The following CTH variants were observed in gnomAD, a reference collection of about 807,000 sequenced individuals.
CTH encodes the protein cystathionase (cystathionine gamma-lyase).
In CTH, 41 loss-of-function variants were observed where a neutral mutation model predicts 50.6. That is an observed-to-expected ratio of 0.81 (90% confidence interval 0.63 to 1.05). The LOEUF is 1.05. Ranked by LOEUF, CTH falls within the 50% of genes least tolerant of loss-of-function variation. The pLI is 0.00. For missense variants in CTH, 470 were observed against 492.6 expected (o/e 0.95, Z 0.43); for synonymous variants, 156 against 168.9 (o/e 0.92, Z 0.59).
chr1:70,435,199 TC>T, intron 10 of CTH, 22 bp downstream of exon 10: 1 of 1,606,980 alleles, frequency 6.2e-7, no homozygotes, highest in Non-Finnish European at 8.5e-7. Flanking sequence ...TCTGTTTTTC[TC>T]AGTATTTTAA....
chr1:70,434,008 T>A, intron 9 of CTH, 59 bp downstream of exon 9: 1 of 1,606,932 alleles, frequency 6.2e-7, no homozygotes, highest in Non-Finnish European at 8.5e-7. Context: ...CAGTTCACTA[T>A]CTCTCACTTC....
rs1684291535 is a variant in CTH, at chr1:70,424,183, T to C, written c.457-102T>C. On this transcript the variant is annotated intron_variant, in intron 4 of 11. Transcript: ENST00000370938. ...ACCTCCCAACATCATCATCCATGTG[T>C]TTCCATTATACAATGTAGCTTCCCA... The C allele has an allele frequency of 3.1e-6, 5 of 1,594,334 alleles. No individual in the cohort carries two copies. The South Asian group carries it at 3.4e-5, about 11-fold the overall frequency.
At chr1:70,431,371 C>T (rs1402060231) in intron 7 of CTH, among the ~76,000 whole-genome samples, 3 of 151,822 alleles carry the variant, frequency 2.0e-5, no homozygotes, top group African/African-American at 4.8e-5. Context: ...CTTTCATATA[C>T]TATACCTTTT....
intron 1 of CTH, among the ~76,000 whole-genome samples, chr1:70,415,618 G>T (rs1021157788): frequency 1.3e-5 from 2 of 152,116 alleles, no homozygotes; most frequent in African/African-American, 4.8e-5. Context: ...GTGAATTTGT[G>T]CATTATCTCA....
At chr1:70,423,736 C>T (rs988621022) in intron 4 of CTH, among the ~76,000 whole-genome samples, 1 of 152,276 alleles carries the variant, frequency 6.6e-6, no homozygotes, top group South Asian at 2.1e-4. Context: ...GCGGTAACCA[C>T]GTTTTCTGTT....
At chr1:70,414,242 G>A (rs1298350578) in intron 1 of CTH, among the ~76,000 whole-genome samples, 1 of 151,562 alleles carries the variant, frequency 6.6e-6, no homozygotes, top group African/African-American at 2.4e-5. Flanking sequence ...GGTTGGGCGC[G>A]GTGGCTCACG....
chr1:70,411,318 C>A lies in CTH; in HGVS notation c.-98C>A. 7.8e-7 allele frequency: 1 copy of A among 1,280,264 alleles called. No individual in the cohort carries two copies. Among genetic ancestry groups the A allele is most frequent in the South Asian group, 1.2e-5 (1 of 83,960 alleles). The allele number at this position is 1,280,264 out of a possible 1,614,324, so 79.3% of individuals were successfully genotyped here. On this transcript the variant is annotated 5_prime_UTR_variant, in exon 1 of 12. Coordinates refer to ENST00000370938, the MANE Select transcript of CTH (RefSeq NM_001902.6). The stretch of plus-strand genomic sequence containing the variant: ...CTCTACCTGCGTGCTTTAGCTCCTT[C>A]TCGCCTGATCCTTCTGTCTCTCCCA...
At chr1:70,434,337 A>T (rs1684547693) in intron 9 of CTH, among the ~76,000 whole-genome samples, 1 of 152,128 alleles carries the variant, frequency 6.6e-6, no homozygotes, top group African/African-American at 2.4e-5. Context: ...GCTGCATCTG[A>T]CTGGGGTGAG....
chr1:70,438,868 G>GTGTC (rs1684657760), intron 11 of CTH, 42 bp downstream of exon 11: 1 of 1,610,008 alleles, frequency 6.2e-7, no homozygotes, highest in Admixed American at 1.7e-5. Context: ...GTGTGTGTGT[G>GTGTC]TCTGCTTTAT....
intron 10 of CTH, among the ~76,000 whole-genome samples, chr1:70,438,257 T>A (rs1052200626): frequency 3.9e-5 from 6 of 152,172 alleles, no homozygotes; most frequent in Admixed American, 2.0e-4. Flanking sequence ...TCTGGATTGA[T>A]TCAGAGGAAA....
intron 5 of CTH, among the ~76,000 whole-genome samples, chr1:70,428,488 C>G (rs1482950903): frequency 6.6e-6 from 1 of 152,106 alleles, no homozygotes; most frequent in Non-Finnish European, 1.5e-5. Context: ...TTGAGCATCA[C>G]ATTATACTCC....
At chr1:70,415,563 A>G (rs1283442320) in intron 1 of CTH, among the ~76,000 whole-genome samples, 1 of 152,280 alleles carries the variant, frequency 6.6e-6, no homozygotes, top group East Asian at 1.9e-4. Context: ...CTAATAATAA[A>G]AACTGTCATT....
chr1:70,439,166 A>G lies in CTH; in HGVS notation c.*39A>G. On this transcript the variant is annotated 3_prime_UTR_variant, in exon 12 of 12. Coordinates refer to ENST00000370938, the MANE Select transcript of CTH (RefSeq NM_001902.6). Reference sequence around the variant, plus strand: ...CTATTAGAAGCTGCTTCCTGTGAAGATCAAATCTTCCTGAGTAATTAAATG... The same window carrying G: ...CTATTAGAAGCTGCTTCCTGTGAAGGTCAAATCTTCCTGAGTAATTAAATG... The G allele has an allele frequency of 6.3e-7, 1 of 1,591,910 alleles. No individual in the cohort carries two copies. The highest frequency in any genetic ancestry group is 8.6e-7 in the Non-Finnish European group (1 of 1,159,650).
In CTH at chr1:70,433,899, T is replaced by C; in HGVS notation, c.949T>C (p.Tyr317His). 6.2e-7 allele frequency: 1 copy of C among 1,614,140 alleles called. No individual in the cohort carries two copies. Among genetic ancestry groups the C allele is most frequent in the Non-Finnish European group, 8.5e-7 (1 of 1,179,994 alleles). Residue 317 changes from tyrosine to histidine, a missense_variant, in exon 9 of 12, where the codon TAT becomes CAT. Transcript: ENST00000370938. ...CTGCTGMVTF[Y>H]IKGTLQHAEI... Reference sequence around the variant, plus strand: ...AGGTTGTACAGGGATGGTCACCTTTTATATTAAGGGCACTCTTCAGCATGC... The same window carrying C: ...AGGTTGTACAGGGATGGTCACCTTTCATATTAAGGGCACTCTTCAGCATGC...
At chr1:70,412,269 T>G (rs1683983354) in intron 1 of CTH, among the ~76,000 whole-genome samples, 1 of 152,222 alleles carries the variant, frequency 6.6e-6, no homozygotes. Flanking sequence ...TAGTAACAAT[T>G]TAGCCTATTG....
chr1:70,434,287 T>C (rs1466144686), intron 9 of CTH, among the ~76,000 whole-genome samples: 3 of 152,174 alleles, frequency 2.0e-5, no homozygotes, highest in Non-Finnish European at 2.9e-5. Context: ...TGTTCTAAAA[T>C]CCATCCTGTG....
In CTH at chr1:70,411,529, G is replaced by A. The variant is rs756292486; in HGVS notation, c.114G>A (p.Val38=). 2 of 1,614,030 alleles carry A rather than the reference G, an allele frequency of 1.2e-6. No individual in the cohort carries two copies. The highest frequency in any genetic ancestry group is 4.5e-5 in the East Asian group (2 of 44,892). Residue 38 remains valine (V), a synonymous_variant, in exon 1 of 12, where the codon GTG becomes GTA. Coordinates refer to ENST00000370938, the MANE Select transcript of CTH (RefSeq NM_001902.6). The stretch of plus-strand genomic sequence containing the variant: ...AGCAATGGACCTCCAGGGCTGTAGT[G>A]CCCCCCATCTCACTGTCCACCACGT... ...DPEQWTSRAV[V]PPISLSTTFK... is the part of the protein sequence containing the mutation.
intron 2 of CTH, among the ~76,000 whole-genome samples, chr1:70,417,118 C>G (rs1259887014): frequency 6.7e-6 from 1 of 148,490 alleles, no homozygotes; most frequent in African/African-American, 2.5e-5. Flanking sequence ...ACTCCCTAAA[C>G]TTTTTTTTTT....
At chr1:70,421,034 T>A (rs1684209243) in intron 3 of CTH, among the ~76,000 whole-genome samples, 1 of 152,158 alleles carries the variant, frequency 6.6e-6, no homozygotes, top group Non-Finnish European at 1.5e-5. Context: ...TTATTTTAAG[T>A]CAAATGATTT....
Sources: allele counts gnomAD v4.1 joint callset (sites outside exome capture counted in the v4.1 genomes callset), GRCh38; gene constraint gnomAD v4.1.1; transcripts MANE v1.5; gene names NCBI Gene and HGNC (gene_info 2026-07-23, HGNC 2026-07-21).